KCNAB2: variants seen among roughly 807,000 people sequenced by gnomAD.
KCNAB2 encodes the protein potassium voltage-gated channel subfamily A regulatory beta subunit 2, also known as voltage-gated potassium channel subunit beta-2.
In KCNAB2, 29 loss-of-function variants were observed where a neutral mutation model predicts 63.6. That is an observed-to-expected ratio of 0.46 (90% CI 0.34 to 0.62). The LOEUF is 0.62. Among genes scored for constraint, KCNAB2 ranks in the 20% least tolerant of loss-of-function variants. The pLI, the probability that KCNAB2 is intolerant of heterozygous loss-of-function variation, is 0.01. For missense variants in KCNAB2, 359 were observed against 563.9 expected (o/e 0.64, Z 3.68); for synonymous variants, 222 against 224.2 (o/e 0.99, Z 0.09).
intron 1 of KCNAB2, among the ~76,000 whole-genome samples, chr1:6,022,916 G>A (rs1352062471): frequency 1.5e-5 from 2 of 130,082 alleles, no homozygotes; most frequent in African/African-American, 5.9e-5. Context: ...ACAGGGTCTC[G>A]CTGTCACCCA....
rs373392624 is a variant in KCNAB2 at position 6,005,745 on chromosome 1, G to A, written c.-53+12957G>A. ...GCAGGGCCCCCACGTGGGGAGACAG[G>A]GCACAGCCTCCCATTGGGGCAGATG... is the stretch of plus-strand genomic sequence containing the variant. On this transcript the variant is annotated intron_variant, in intron 1 of 16. Coordinates refer to the KCNAB2 transcript ENST00000341524. Among the ~76,000 whole-genome samples the A allele has an allele frequency of 2.0e-4, 30 of 148,618 alleles. 1 individual carries two copies. The highest frequency in any genetic ancestry group is 1.7e-3 in the South Asian group (8 of 4,826).
At position 6,071,773 on chromosome 1, in the gene KCNAB2, G is replaced by A. The variant is rs544190323; in HGVS notation, c.219-982G>A. Among the ~76,000 whole-genome samples, 5 of 151,476 alleles carry A rather than the reference G, an allele frequency of 3.3e-5. No individual in the cohort carries two copies. In the South Asian group the frequency reaches 8.4e-4, roughly 25 times the overall value. On this transcript the variant is annotated intron_variant, in intron 2 of 15. Coordinates refer to ENST00000378083, the MANE Select transcript of KCNAB2 (RefSeq NM_001199862.2). This position sits in a 1 kb window ranked among gnomAD's most constrained non-coding sequence, Gnocchi z 8.5. ...TCCTGCCGCGTGGGCTCCTCCTGCC[G>A]CGTGGGCTCCTCCTGCCACATAGGG...
chr1:6,069,421 G>C lies in KCNAB2; in HGVS notation c.219-3334G>C, dbSNP rs891008747. Among the ~76,000 whole-genome samples, 12 of 152,168 alleles carry C rather than the reference G, an allele frequency of 7.9e-5. No individual in the cohort carries two copies. The highest frequency in any genetic ancestry group is 2.9e-4 in the African/African-American group (12 of 41,438). ...AGTTTTTAGGGGTGTGCAGCAGCCG[G>C]GGGCTCCACGATGGGCATCAGTGCT... On this transcript the variant is annotated intron_variant, in intron 2 of 15. Transcript: ENST00000378083. The surrounding 1 kb of genome is among the most constrained non-coding windows in gnomAD (Gnocchi z 5.4).
Position 6,028,900 on chromosome 1 carries a change from C to A in KCNAB2, c.-52-11617C>A, listed in dbSNP as rs1014514001. On this transcript the variant is annotated intron_variant, in intron 1 of 16. Transcript: ENST00000341524. This position sits in a 1 kb window ranked among gnomAD's most constrained non-coding sequence, Gnocchi z 4.0. ...GGATCTGCAAACCAGCCTTCTGGAA[C>A]CTTTGAGCTTCCAGGATGATTCGGA... Among the ~76,000 whole-genome samples, 7 of 152,214 alleles carry A rather than the reference C, an allele frequency of 4.6e-5. No individual in the cohort carries two copies. Among genetic ancestry groups the A allele is most frequent in the East Asian group, 1.9e-4 (1 of 5,194 alleles).
chr1:6,087,626 G>C lies in KCNAB2; in HGVS notation c.470+115G>C. ...GGGTGGCGGGAGGACAGTCCTCCTT[G>C]AGAAGGGAGAGTGGTCGGGGTCTGT... On this transcript the variant is annotated intron_variant, in intron 7 of 15. Coordinates refer to ENST00000378083, the MANE Select transcript of KCNAB2 (RefSeq NM_001199862.2). This position sits in a 1 kb window ranked among gnomAD's most constrained non-coding sequence, Gnocchi z 6.4. 9.3e-7 allele frequency: 1 copy of C among 1,078,814 alleles called. No homozygotes were observed. The highest frequency in any genetic ancestry group is 1.6e-5 in the African/African-American group (1 of 64,188). The allele number at this position is 1,078,814 out of a possible 1,614,324, so 66.8% of individuals were successfully genotyped here.
chr1:6,042,660 T>A (rs1660587231), upstream of KCNAB2, among the ~76,000 whole-genome samples: 1 of 152,190 alleles, frequency 6.6e-6, no homozygotes, highest in Non-Finnish European at 1.5e-5. Context: ...TTGGCACGGC[T>A]TCTGGCAGCA....
intron 1 of KCNAB2, chr1:6,007,738 GTGTGC>G (rs200076538): frequency 0.039 from 6,002 of 152,432 alleles, 144 homozygotes; most frequent in South Asian, 0.1. Flanking sequence ...GCGCCGCAGT[GTGTGC>G]GCGTCACTGT....
chr1:6,035,023 G>C lies in KCNAB2; in HGVS notation c.-53+229G>C, dbSNP rs1230908662. On this transcript the variant is annotated intron_variant, in intron 1 of 15. Transcript: ENST00000164247. The surrounding 1 kb of genome is among the most constrained non-coding windows in gnomAD (Gnocchi z 5.0). Reference sequence around the variant, plus strand: ...GGACCAGGGAGTGTGGGGGAGACGGGGACTGCGATGAAAGGGAGGCGTCCA... The same window carrying C: ...GGACCAGGGAGTGTGGGGGAGACGGCGACTGCGATGAAAGGGAGGCGTCCA... 6.6e-6 allele frequency among the ~76,000 whole-genome samples: 1 copy of C among 152,170 alleles called. No individual in the cohort carries two copies. The highest frequency in any genetic ancestry group is 1.5e-5 in the Non-Finnish European group (1 of 68,042).
At chr1:5,996,826 G>A (rs1656969196) in intron 1 of KCNAB2, among the ~76,000 whole-genome samples, 1 of 152,174 alleles carries the variant, frequency 6.6e-6, no homozygotes, top group South Asian at 2.1e-4. Context: ...TCCATGGCTG[G>A]GAGCTGGGCA....
chr1:6,020,627 C>T (rs1304086125), intron 1 of KCNAB2, among the ~76,000 whole-genome samples: 1 of 152,156 alleles, frequency 6.6e-6, no homozygotes, highest in African/African-American at 2.4e-5. Flanking sequence ...GGTGGGCCAG[C>T]CAGCAACCGT....
chr1:6,089,946 C>A (rs1049488348), intron 8 of KCNAB2, among the ~76,000 whole-genome samples: 2 of 152,242 alleles, frequency 1.3e-5, no homozygotes, highest in Non-Finnish European at 2.9e-5. Context: ...AAGTGATGCG[C>A]CCGCCTTGGC....
chr1:6,093,077 A>AG (rs921028451), intron 10 of KCNAB2, among the ~76,000 whole-genome samples: 1 of 152,088 alleles, frequency 6.6e-6, no homozygotes, highest in Non-Finnish European at 1.5e-5. Flanking sequence ...TTGCCATTCC[A>AG]GGGGGGAGCC....
chr1:6,084,446 A>G (rs527808517), intron 5 of KCNAB2, among the ~76,000 whole-genome samples: 24 of 152,368 alleles, frequency 1.6e-4, no homozygotes, highest in African/African-American at 5.8e-4. Flanking sequence ...TCTGCTGGAA[A>G]TCCAGCCCTT....
Position 6,089,069 on chromosome 1 carries a change from C to T in KCNAB2, c.514+18C>T, listed in dbSNP as rs1571085952. On this transcript the variant is annotated intron_variant, in intron 8 of 15. Coordinates refer to ENST00000378083, the MANE Select transcript of KCNAB2 (RefSeq NM_001199862.2). ...AATCGAAGGTGAGGACGCGCTCGGG[C>T]ACCTCAGGGCCCCCATACCTGTGGG... 6.5e-7 allele frequency: 1 copy of T among 1,547,460 alleles called. No homozygotes were observed. Among genetic ancestry groups the T allele is most frequent in the Middle Eastern group, 2.1e-4 (1 of 4,670 alleles).
chr1:6,075,024 C>T (rs1250366682), intron 4 of KCNAB2, among the ~76,000 whole-genome samples: 7 of 151,338 alleles, frequency 4.6e-5, no homozygotes, highest in Non-Finnish European at 8.8e-5. Context: ...GCTGGATAGG[C>T]GCTATCTCAG....
intron 2 of KCNAB2, among the ~76,000 whole-genome samples, chr1:6,055,387 G>A (rs1055794258): frequency 2.2e-5 from 3 of 134,438 alleles, no homozygotes; most frequent in South Asian, 2.3e-4. Flanking sequence ...TTGGAGTTTC[G>A]CTGTATCGCC....
chr1:6,051,366 G>A (rs534734296), intron 1 of KCNAB2, 145 bp from the exon 2 acceptor site: 14 of 924,432 alleles, frequency 1.5e-5, no homozygotes, highest in East Asian at 8.8e-5. Context: ...TCCAGGGGCC[G>A]GGTCCCACTC....
At chr1:6,026,319 C>T (rs1389988310) in intron 1 of KCNAB2, 1 of 152,262 alleles carries the variant, frequency 6.6e-6, no homozygotes, top group Non-Finnish European at 1.5e-5. Flanking sequence ...CTCTGGCACG[C>T]GCTGCACCAA....
At chr1:6,041,173 G>A (rs1232268933), upstream of KCNAB2, 1 of 157,110 alleles carries the variant, frequency 6.4e-6, no homozygotes, top group African/African-American at 2.4e-5. Context: ...TGCAGCCCTG[G>A]GTGTTTCTGT....
Sources: gnomAD v4.1 joint callset for allele counts (sites outside exome capture counted in the v4.1 genomes callset) on GRCh38, gnomAD v4.1.1 for gene constraint, Gnocchi (gnomAD v3.1) non-coding constraint, MANE v1.5 for transcripts, NCBI Gene and HGNC (gene_info 2026-07-23, HGNC 2026-07-21) for gene names.